PLCB1: variants seen among roughly 807,000 people sequenced by gnomAD.
PLCB1 encodes phospholipase C beta 1.
Under a neutral mutation model 161.8 loss-of-function variants are expected in PLCB1, and 46 were observed. The ratio of observed to expected loss-of-function variants is 0.28; its 90% confidence interval spans 0.22 to 0.36. PLCB1 has a LOEUF of 0.36. Ranked by LOEUF, PLCB1 falls within the 10% of genes least tolerant of loss-of-function variation. The pLI is 1.00. For missense variants in PLCB1, 1,016 were observed against 1,472.5 expected, an observed-to-expected ratio of 0.69 and a Z score of 5.07; for synonymous variants, 517 against 503.7, an observed-to-expected ratio of 1.03 and a Z score of -0.35.
intron 2 of PLCB1, among the ~76,000 whole-genome samples, chr20:8,208,216 G>C (rs755746444): frequency 6.6e-6 from 1 of 152,098 alleles, no homozygotes; most frequent in Admixed American, 6.6e-5. Flanking sequence ...CCAGTGAATT[G>C]TTCCATAGAC....
chr20:8,700,094 C>A (rs1231233842), intron 11 of PLCB1, among the ~76,000 whole-genome samples: 1 of 152,158 alleles, frequency 6.6e-6, no homozygotes, highest in Admixed American at 6.5e-5. Context: ...CAGGTTACCC[C>A]CATGTGGAAC....
At chr20:8,219,782 T>C (rs1374904232) in intron 2 of PLCB1, among the ~76,000 whole-genome samples, 1 of 152,166 alleles carries the variant, frequency 6.6e-6, no homozygotes, top group Non-Finnish European at 1.5e-5. Context: ...AGTTACATTA[T>C]TAGAGGGATA....
chr20:8,813,534 T>TA (rs1984934975), intron 31 of PLCB1, among the ~76,000 whole-genome samples: 1 of 152,094 alleles, frequency 6.6e-6, no homozygotes, highest in African/African-American at 2.4e-5. Flanking sequence ...GGATTTGTTG[T>TA]AAAAATGAAT....
chr20:8,657,641 C>CAA (rs1387588568), intron 8 of PLCB1, among the ~76,000 whole-genome samples: 1 of 152,066 alleles, frequency 6.6e-6, no homozygotes, highest in East Asian at 1.9e-4. Context: ...TTTTATCTCT[C>CAA]TGAGCCACAT....
intron 12 of PLCB1, among the ~76,000 whole-genome samples, chr20:8,712,416 C>T (rs1165937987): frequency 1.3e-5 from 2 of 152,220 alleles, no homozygotes; most frequent in African/African-American, 4.8e-5. Flanking sequence ...CTGCTATTAG[C>T]TGCTTTCAAT....
At chr20:8,249,541 C>T (rs796694576) in intron 2 of PLCB1, 5 of 152,002 alleles carry the variant, frequency 3.3e-5, no homozygotes, top group African/African-American at 1.2e-4. Context: ...TGAATGGTGG[C>T]AAGATTCCAA....
chr20:8,137,055 G>A (rs1182769528), intron 1 of PLCB1, among the ~76,000 whole-genome samples: 2 of 152,180 alleles, frequency 1.3e-5, no homozygotes, highest in African/African-American at 4.8e-5. Context: ...AAACTCAGAA[G>A]TTTGGATTTG....
intron 9 of PLCB1, among the ~76,000 whole-genome samples, chr20:8,659,445 T>G (rs1321719875): frequency 6.6e-6 from 1 of 152,040 alleles, no homozygotes; most frequent in Non-Finnish European, 1.5e-5. Flanking sequence ...ACCAAGAAAA[T>G]TAGTGTGTTA....
At chr20:8,237,392 A>G (rs1203251920) in intron 2 of PLCB1, among the ~76,000 whole-genome samples, 1 of 152,042 alleles carries the variant, frequency 6.6e-6, no homozygotes, top group African/African-American at 2.4e-5. Flanking sequence ...TTATTTTTTA[A>G]AAAGAAAAAA....
intron 3 of PLCB1, among the ~76,000 whole-genome samples, chr20:8,457,961 G>A (rs1981401553): frequency 6.6e-6 from 1 of 152,216 alleles, no homozygotes; most frequent in Admixed American, 6.5e-5. Context: ...GAGTTTGCAA[G>A]AGAATCAACC....
At chr20:8,351,889 TG>T (rs1353486049) in intron 2 of PLCB1, among the ~76,000 whole-genome samples, 1 of 152,120 alleles carries the variant, frequency 6.6e-6, no homozygotes, top group Admixed American at 6.5e-5. Flanking sequence ...TCATTACTAA[TG>T]GGGTTGCAAA....
rs1049460589 is a variant in PLCB1, at chr20:8,745,928, C to T, written c.2523+4355C>T. Among the ~76,000 whole-genome samples, 4 of 152,242 alleles carry T rather than the reference C, an allele frequency of 2.6e-5. No homozygotes were observed. The East Asian group carries it at 5.8e-4, about 22-fold the overall frequency. On this transcript the variant is annotated intron_variant, in intron 23 of 31. Transcript: ENST00000338037. ...ATCCTTCTAGCATGTTTCCTATGTACATTTTTGTTTGTTTGTTTTTTGAGA... is the reference window on the plus strand; with the variant it reads ...ATCCTTCTAGCATGTTTCCTATGTATATTTTTGTTTGTTTGTTTTTTGAGA...
intron 3 of PLCB1, among the ~76,000 whole-genome samples, chr20:8,384,157 C>A (rs963489363): frequency 6.6e-6 from 1 of 152,106 alleles, no homozygotes; most frequent in East Asian, 1.9e-4. Context: ...GTCACGTACT[C>A]CATTCAATCG....
chr20:8,824,099 G>T (rs576160599), intron 31 of PLCB1, among the ~76,000 whole-genome samples: 26 of 151,976 alleles, frequency 1.7e-4, no homozygotes, highest in Non-Finnish European at 3.1e-4. Context: ...CTACATGTAG[G>T]ATAACCAACA....
chr20:8,732,442 G>A (rs2123498486), intron 18 of PLCB1, among the ~76,000 whole-genome samples: 1 of 151,576 alleles, frequency 6.6e-6, no homozygotes, highest in East Asian at 1.9e-4. Context: ...CCACAATGAT[G>A]TTTATCAAAA....
At chr20:8,563,281 GA>G (rs543223409) in intron 3 of PLCB1, among the ~76,000 whole-genome samples, 4 of 151,746 alleles carry the variant, frequency 2.6e-5, no homozygotes, top group East Asian at 3.9e-4. Flanking sequence ...CTACCAAGTA[GA>G]AAAAAAGCAA....
chr20:8,680,994 A>G (rs1284987944), intron 9 of PLCB1, among the ~76,000 whole-genome samples: 7 of 149,816 alleles, frequency 4.7e-5, no homozygotes, highest in Non-Finnish European at 1.0e-4. Flanking sequence ...AAAAATATAC[A>G]AATACATACA....
intron 3 of PLCB1, among the ~76,000 whole-genome samples, chr20:8,564,225 A>C (rs935795164): frequency 2.6e-5 from 4 of 152,206 alleles, no homozygotes; most frequent in Non-Finnish European, 5.9e-5. Context: ...TACAAAAACA[A>C]GCAATAGGGA....
At chr20:8,515,255 G>C (rs969782630) in intron 3 of PLCB1, among the ~76,000 whole-genome samples, 3 of 152,136 alleles carry the variant, frequency 2.0e-5, no homozygotes, top group Non-Finnish European at 4.4e-5. Context: ...AGCTGTTTCA[G>C]TAATAGCATC....
Sources: gnomAD v4.1 joint callset for allele counts (sites outside exome capture counted in the v4.1 genomes callset) on GRCh38, gnomAD v4.1.1 for gene constraint, MANE v1.5 for transcripts, NCBI Gene and HGNC (gene_info 2026-07-23, HGNC 2026-07-21) for gene names.